The following ARHGEF26 variants were observed in gnomAD, a reference collection of about 807,000 sequenced individuals.
ARHGEF26 encodes Rho guanine nucleotide exchange factor 26, also known as Rho guanine nucleotide exchange factor (GEF) 26.
A neutral mutation model predicts 89.4 loss-of-function variants in ARHGEF26; 59 were observed. That is an observed-to-expected ratio of 0.66 (90% CI 0.54 to 0.82). ARHGEF26 has a LOEUF of 0.82. Among genes scored for constraint, ARHGEF26 ranks in the 40% least tolerant of loss-of-function variants. ARHGEF26 has a pLI of 0.00. For missense variants in ARHGEF26, 1,234 were observed against 1,085.6 expected, an observed-to-expected ratio of 1.14 and a Z score of -1.92; for synonymous variants, 500 against 428.4, an observed-to-expected ratio of 1.17 and a Z score of -2.06.
chr3:154,129,275 T>G (rs1407207466), intron 3 of ARHGEF26, among the ~76,000 whole-genome samples: 1 of 152,180 alleles, frequency 6.6e-6, no homozygotes. Flanking sequence ...TAATTTAACC[T>G]AAATTACAGT....
intron 11 of ARHGEF26, among the ~76,000 whole-genome samples, 177 bp from the exon 12 acceptor site, chr3:154,240,193 A>G (rs1717402934): frequency 1.3e-5 from 2 of 152,184 alleles, no homozygotes; most frequent in Non-Finnish European, 2.9e-5. Flanking sequence ...AGGGGGTTAC[A>G]TTGATTCATA....
chr3:154,189,418 A>T (rs1350468026), intron 7 of ARHGEF26, among the ~76,000 whole-genome samples: 2 of 150,168 alleles, frequency 1.3e-5, no homozygotes, highest in Non-Finnish European at 3.0e-5. Flanking sequence ...GGTCACTGCA[A>T]CTTCTGCATC....
chr3:154,187,983 A>G, intron 7 of ARHGEF26, 146 bp downstream of exon 7: 1 of 822,190 alleles, frequency 1.2e-6, no homozygotes, highest in Non-Finnish European at 1.8e-6. Context: ...TAAGAGCATT[A>G]CTTTTAGGGT....
intron 5 of ARHGEF26, among the ~76,000 whole-genome samples, chr3:154,149,925 T>TAA (rs34955313): frequency 0.12 from 17,409 of 139,428 alleles, 1,351 homozygotes; most frequent in East Asian, 0.37. Flanking sequence ...GTTTATTTAG[T>TAA]AAAAAAAAAA....
chr3:154,202,560 G>A (rs1714716144), intron 9 of ARHGEF26, among the ~76,000 whole-genome samples: 2 of 152,048 alleles, frequency 1.3e-5, no homozygotes, highest in African/African-American at 2.4e-5. Flanking sequence ...TAGCTTGATG[G>A]GGATGGCATT....
intron 12 of ARHGEF26, among the ~76,000 whole-genome samples, chr3:154,251,577 T>C (rs566459065): frequency 3.3e-5 from 5 of 152,256 alleles, no homozygotes; most frequent in African/African-American, 1.2e-4. Flanking sequence ...AGCAATATAA[T>C]AGAATTGTGC....
intron 3 of ARHGEF26, among the ~76,000 whole-genome samples, chr3:154,128,307 G>A (rs533501711): frequency 6.6e-5 from 10 of 151,884 alleles, no homozygotes; most frequent in Admixed American, 4.6e-4. Flanking sequence ...GCATGATCTC[G>A]GCTCACTGCA....
At position 154,244,339 on chromosome 3, in the gene ARHGEF26, C is replaced by T. The variant is rs76034366; in HGVS notation, c.2300+3760C>T. On this transcript the variant is annotated intron_variant, in intron 12 of 14. Transcript: ENST00000465093. ...GACAGTGAAATTGTGGAAGAAAAATCAATGGCTTTGATTACGTAAAGAATG... is the reference window on the plus strand; with the variant it reads ...GACAGTGAAATTGTGGAAGAAAAATTAATGGCTTTGATTACGTAAAGAATG... Among the ~76,000 whole-genome samples, 190 of 152,262 alleles carry T rather than the reference C, an allele frequency of 1.2e-3. 1 individual carries two copies. In the East Asian group the frequency reaches 0.031, roughly 25 times the overall value.
intron 12 of ARHGEF26, among the ~76,000 whole-genome samples, chr3:154,250,354 G>A (rs1010233416): frequency 1.3e-5 from 2 of 151,986 alleles, no homozygotes; most frequent in African/African-American, 2.4e-5. Flanking sequence ...AAGCCCCAGG[G>A]GAAGTCCTGT....
chr3:154,182,504 G>A (rs1713251059), intron 6 of ARHGEF26, among the ~76,000 whole-genome samples: 1 of 152,178 alleles, frequency 6.6e-6, no homozygotes. Flanking sequence ...ACCTGATATG[G>A]TTGCTGACCC....
At position 154,122,879 on chromosome 3, in the gene ARHGEF26, G is replaced by T; in HGVS notation, c.887G>T (p.Ser296Ile). 6.2e-7 allele frequency: 1 copy of T among 1,612,988 alleles called. No individual in the cohort carries two copies. Among genetic ancestry groups the T allele is most frequent in the Non-Finnish European group, 8.5e-7 (1 of 1,179,510 alleles). ...GGPLGHAGEE[S>I]EVDNDVDSPG... The stretch of plus-strand genomic sequence containing the variant: ...CCCCTGGGTCACGCAGGGGAGGAGA[G>T]TGAGGTCGATAACGACGTGGATAGC... The change falls in exon 2 of 15, where the codon AGT becomes ATT. Residue 296 changes from serine to isoleucine, a missense_variant. By Grantham distance (142) the Ser-to-Ile change is moderately radical. Transcript: ENST00000465093.
At chr3:154,152,179 G>A (rs540330001) in intron 5 of ARHGEF26, among the ~76,000 whole-genome samples, 2 of 152,292 alleles carry the variant, frequency 1.3e-5, no homozygotes, top group African/African-American at 2.4e-5. Flanking sequence ...AATTGTATGA[G>A]TTTATATAAA....
At chr3:154,147,334 C>A (rs1431538859) in intron 4 of ARHGEF26, among the ~76,000 whole-genome samples, 1 of 152,172 alleles carries the variant, frequency 6.6e-6, no homozygotes, top group African/African-American at 2.4e-5. Flanking sequence ...TCGCTTGAAC[C>A]CAGAAGGTGG....
At position 154,240,316 on chromosome 3, in the gene ARHGEF26, A is replaced by T; in HGVS notation, c.2091-54A>T. On this transcript the variant is annotated intron_variant, in intron 11 of 14. Transcript: ENST00000465093. Reference sequence around the variant, plus strand: ...CCAAAATGTGCCTCGAAAACTGACAATGTCAGTCTTATCTGCTGAATAATT... The same window carrying T: ...CCAAAATGTGCCTCGAAAACTGACATTGTCAGTCTTATCTGCTGAATAATT... 4.4e-6 allele frequency: 6 copies of T among 1,378,178 alleles called. No homozygotes were observed. In the South Asian group the frequency reaches 8.5e-5, roughly 20 times the overall value. The allele number at this position is 1,378,178 out of a possible 1,614,324, so 85.4% of individuals were successfully genotyped here.
rs375088976 is a variant in ARHGEF26 at position 154,122,489 on chromosome 3, C to A, written c.497C>A (p.Thr166Asn). 1 of 1,612,792 alleles carries A rather than the reference C, an allele frequency of 6.2e-7. No individual in the cohort carries two copies. The highest frequency in any genetic ancestry group is 1.3e-5 in the African/African-American group (1 of 74,930). Residue 166 changes from threonine to asparagine, a missense_variant, in exon 2 of 15, where the codon ACT becomes AAT. Transcript: ENST00000465093. ...CCCGAGGAGGACCTTACTGGGTTGACTGCCAGCCCGGTGCCTTCGCCCACT... is the reference window on the plus strand; with the variant it reads ...CCCGAGGAGGACCTTACTGGGTTGAATGCCAGCCCGGTGCCTTCGCCCACT... Reference protein sequence around the residue: ...CTPEEDLTGLTASPVPSPTAN... With the variant: ...CTPEEDLTGLNASPVPSPTAN...
intron 4 of ARHGEF26, 78 bp from the exon 5 acceptor site, chr3:154,149,311 A>G (rs910308362): frequency 9.2e-7 from 1 of 1,087,650 alleles, no homozygotes; most frequent in Non-Finnish European, 1.3e-6. Context: ...AAGGGCATAG[A>G]GTTATGCCTT....
At chr3:154,124,322 TA>T in intron 2 of ARHGEF26, 87 bp from the exon 3 acceptor site, 2 of 884,684 alleles carry the variant, frequency 2.3e-6, no homozygotes, top group Non-Finnish European at 3.4e-6. Flanking sequence ...TATTTTTACT[TA>T]AAATAGCTGT....
At chr3:154,164,802 T>G (rs1445382133) in intron 6 of ARHGEF26, among the ~76,000 whole-genome samples, 1 of 152,130 alleles carries the variant, frequency 6.6e-6, no homozygotes, top group South Asian at 2.1e-4. Flanking sequence ...TTATAAATAT[T>G]TAGGTGTACA....
intron 3 of ARHGEF26, among the ~76,000 whole-genome samples, chr3:154,128,660 T>A (rs1718484403): frequency 6.6e-6 from 1 of 152,212 alleles, no homozygotes; most frequent in Admixed American, 6.5e-5. Context: ...GGCTTTGCAC[T>A]TGCTGTGTCC....
Sources: allele counts gnomAD v4.1 joint callset (sites outside exome capture counted in the v4.1 genomes callset), GRCh38; gene constraint gnomAD v4.1.1; transcripts MANE v1.5; gene names NCBI Gene and HGNC (gene_info 2026-07-23, HGNC 2026-07-21).